DOCK5: variants seen among roughly 807,000 people sequenced by gnomAD.
The protein encoded by DOCK5 is dedicator of cytokinesis protein 5.
DOCK5 carries 142 observed loss-of-function variants against 251.8 expected under a neutral mutation model. The observed-to-expected ratio is 0.56, with a 90% CI of 0.49 to 0.65. The LOEUF is 0.65. Ranked by LOEUF, DOCK5 falls within the 30% of genes least tolerant of loss-of-function variation. The probability of loss-of-function intolerance (pLI) is 0.00; values close to 1 mark genes in which losing one functional copy is unlikely to be tolerated. For synonymous variants in DOCK5, 842 were observed against 835.5 expected (o/e 1.01, Z -0.13); for missense variants, 2,111 against 2,312.3 (o/e 0.91, Z 1.79).
intron 5 of DOCK5, among the ~76,000 whole-genome samples, chr8:25,284,709 C>T (rs888058000): frequency 2.6e-5 from 4 of 152,228 alleles, no homozygotes; most frequent in Admixed American, 6.5e-5. Context: ...GACTTAGACA[C>T]GGTCGGATTC....
chr8:25,205,849 A>G (rs1801987756), intron 1 of DOCK5, among the ~76,000 whole-genome samples: 1 of 152,244 alleles, frequency 6.6e-6, no homozygotes, highest in African/African-American at 2.4e-5. Context: ...AGCACTTGGA[A>G]TACTCAGAGA....
At chr8:25,267,079 G>A (rs755312207) in intron 2 of DOCK5, among the ~76,000 whole-genome samples, 3 of 152,100 alleles carry the variant, frequency 2.0e-5, no homozygotes, top group Admixed American at 6.6e-5. Context: ...GGGTGAATTC[G>A]AAGCCATTTA....
At chr8:25,285,810 C>T (rs1030293493) in intron 5 of DOCK5, among the ~76,000 whole-genome samples, 2 of 152,178 alleles carry the variant, frequency 1.3e-5, no homozygotes, top group Non-Finnish European at 2.9e-5. Context: ...CAAACTTTGT[C>T]CTCTTGTCAG....
rs573785402 is a variant in DOCK5, at chr8:25,318,761, C to T, written c.1444-817C>T. On this transcript the variant is annotated intron_variant, in intron 14 of 51. Transcript: ENST00000276440. ...TGAACTCCACCTCTTCTCGTATGAGCCGTAGTTAACTGCTTTGGTAACCAA... is the reference window on the plus strand; with the variant it reads ...TGAACTCCACCTCTTCTCGTATGAGTCGTAGTTAACTGCTTTGGTAACCAA... 3.9e-5 allele frequency among the ~76,000 whole-genome samples: 6 copies of T among 152,060 alleles called. No individual in the cohort carries two copies. The East Asian group carries it at 1.2e-3, about 30-fold the overall frequency.
intron 1 of DOCK5, among the ~76,000 whole-genome samples, chr8:25,219,748 G>C (rs1250519586): frequency 4.0e-5 from 6 of 148,460 alleles, no homozygotes; most frequent in Non-Finnish European, 8.9e-5. Flanking sequence ...TTGACTTTCT[G>C]TCCCCTTCAA....
At position 25,382,522 on chromosome 8, in the gene DOCK5, A is replaced by G. The variant is rs1333282047; in HGVS notation, c.4027-152A>G. Among the ~76,000 whole-genome samples, 3 of 152,324 alleles carry G rather than the reference A, an allele frequency of 2.0e-5. No homozygotes were observed. In the East Asian group the frequency reaches 5.8e-4, roughly 29 times the overall value. Reference sequence around the variant, plus strand: ...CAGGTCCAAAACCTGTGATCCGAGAATAGGATAACCCTTTTCTGCCCATAG... The same window carrying G: ...CAGGTCCAAAACCTGTGATCCGAGAGTAGGATAACCCTTTTCTGCCCATAG... On this transcript the variant is annotated intron_variant, in intron 39 of 51. Transcript: ENST00000276440.
intron 2 of DOCK5, among the ~76,000 whole-genome samples, chr8:25,252,844 T>G (rs1051355201): frequency 1.3e-5 from 2 of 152,210 alleles, no homozygotes; most frequent in Non-Finnish European, 2.9e-5. Context: ...CTTTATTTAT[T>G]TTTTTGAGAC....
rs774298914 is a variant in DOCK5 at position 25,325,345 on chromosome 8, C to T, written c.1720-19C>T. 1 of 1,610,746 alleles carries T rather than the reference C, an allele frequency of 6.2e-7. No individual in the cohort carries two copies. The highest frequency in any genetic ancestry group is 2.2e-5 in the East Asian group (1 of 44,840). On this transcript the variant is annotated intron_variant, in intron 17 of 51. Coordinates refer to ENST00000276440, the MANE Select transcript of DOCK5 (RefSeq NM_024940.8). ...AGATTTTGGCCATCATTTGGTGTTC[C>T]TAACATGCTTCCTTTTAGGGTGACA...
intron 1 of DOCK5, 109 bp downstream of exon 1, chr8:25,185,060 C>T (rs1010439935): frequency 5.0e-6 from 6 of 1,189,522 alleles, no homozygotes; most frequent in African/African-American, 4.8e-5. Context: ...GCCGGGGGCT[C>T]GGCCCGGCTG....
rs3763518 is a variant in DOCK5, at chr8:25,395,878, G to C, written c.4704+159G>C. On this transcript the variant is annotated intron_variant, in intron 45 of 51. Transcript: ENST00000276440. Reference sequence around the variant, plus strand: ...TGAAGTGAATGAAACGATTGTCCCTGACTTCTTAGAGACTATCAGCAACCC... The same window carrying C: ...TGAAGTGAATGAAACGATTGTCCCTCACTTCTTAGAGACTATCAGCAACCC... The C allele has an allele frequency of 4.3e-3, 4,028 of 941,554 alleles. 47 individuals carry two copies. The highest frequency in any genetic ancestry group is 0.021 in the South Asian group (1,510 of 71,512). 58.3% of individuals were successfully genotyped at this position (941,554 alleles called of 1,614,324 possible). A position where few individuals can be genotyped will look rare whatever the true frequency, so the allele number is the denominator to read the frequency against.
chr8:25,323,109 C>T (rs1185117611), intron 16 of DOCK5, among the ~76,000 whole-genome samples: 2 of 152,170 alleles, frequency 1.3e-5, no homozygotes, highest in African/African-American at 2.4e-5. Context: ...GCCACTGAAG[C>T]AGGGGACCCG....
At chr8:25,306,442 T>A (rs144925931) in intron 11 of DOCK5, among the ~76,000 whole-genome samples, 2 of 152,120 alleles carry the variant, frequency 1.3e-5, no homozygotes, top group Non-Finnish European at 2.9e-5. Flanking sequence ...CGCATAGGCT[T>A]ACGCCTGTAA....
chr8:25,366,384 G>T lies in DOCK5; in HGVS notation c.3124-486G>T, dbSNP rs112633350. Among the ~76,000 whole-genome samples, 1,369 of 152,182 alleles carry T rather than the reference G, an allele frequency of 9.0e-3. 17 individuals carry two copies. The highest frequency in any genetic ancestry group is 0.031 in the African/African-American group (1,293 of 41,526). On this transcript the variant is annotated intron_variant, in intron 30 of 51. Transcript: ENST00000276440. ...TGGGTGCCTGTAATCCCAGATACTC[G>T]TCAGGATAAGGCAGGACGCTTGAAC... is the stretch of plus-strand genomic sequence containing the variant.
rs1025334201 is a variant in DOCK5, at chr8:25,411,905, A to G, written c.*607A>G. On this transcript the variant is annotated 3_prime_UTR_variant, in exon 52 of 52. Transcript: ENST00000276440. ...TATGTGTGTCTATCATTGAAAGAGCATGGACTCAAACATCAGCCCTGAGTT... is the reference window on the plus strand; with the variant it reads ...TATGTGTGTCTATCATTGAAAGAGCGTGGACTCAAACATCAGCCCTGAGTT... The G allele has an allele frequency of 6.6e-6, 1 of 152,150 alleles. No individual in the cohort carries two copies. Among genetic ancestry groups the G allele is most frequent in the African/African-American group, 2.4e-5 (1 of 41,418 alleles). The allele number at this position is 152,150 out of a possible 1,614,324, so 9.4% of individuals were successfully genotyped here. A position where few individuals can be genotyped will look rare whatever the true frequency, so the allele number is the denominator to read the frequency against.
At chr8:25,339,288 G>A (rs941367010) in intron 22 of DOCK5, among the ~76,000 whole-genome samples, 2 of 152,080 alleles carry the variant, frequency 1.3e-5, no homozygotes, top group African/African-American at 4.8e-5. Flanking sequence ...GCTCCCAATA[G>A]GATGTTGAGA....
Position 25,299,049 on chromosome 8 carries a change from G to A in DOCK5, c.712G>A (p.Asp238Asn). 1 of 1,613,898 alleles carries A rather than the reference G, an allele frequency of 6.2e-7. No homozygotes were observed. Among genetic ancestry groups the A allele is most frequent in the Non-Finnish European group, 8.5e-7 (1 of 1,179,882 alleles). The change falls in exon 8 of 52, where the codon GAT becomes AAT. Residue 238 changes from aspartate to asparagine, a missense_variant. By Grantham distance (23) the Asp-to-Asn change is conservative (BLOSUM62 1). Around this residue, in one of 3 missense-constraint regions of DOCK5, gnomAD observed 335 missense variants for 324.9 expected, o/e 1.03. Transcript: ENST00000276440. Reference protein sequence around the residue: ...FKNFVCNIGEDAELFMALYDP... With the variant: ...FKNFVCNIGENAELFMALYDP... ...GAACTTTGTCTGCAACATCGGGGAA[G>A]ATGCAGAGTTGTTTATGGCCCTCTA... is the stretch of plus-strand genomic sequence containing the variant.
intron 40 of DOCK5, among the ~76,000 whole-genome samples, 178 bp downstream of exon 40, chr8:25,382,956 T>G (rs754366819): frequency 4.2e-5 from 5 of 118,890 alleles, no homozygotes; most frequent in Admixed American, 8.4e-5. Flanking sequence ...CGGACACCCG[T>G]GGTGTTCTGC....
chr8:25,277,696 C>T (rs929054158), intron 4 of DOCK5, among the ~76,000 whole-genome samples: 3 of 152,168 alleles, frequency 2.0e-5, no homozygotes, highest in Admixed American at 6.5e-5. Flanking sequence ...GGTGGGGAGG[C>T]ACATTCACAC....
intron 3 of DOCK5, among the ~76,000 whole-genome samples, chr8:25,273,282 C>G (rs1256851968): frequency 1.3e-5 from 2 of 152,154 alleles, no homozygotes; most frequent in Non-Finnish European, 2.9e-5. Flanking sequence ...CTGCAAAGGA[C>G]AGTTCCCTGT....
Sources: gnomAD v4.1 joint callset for allele counts (sites outside exome capture counted in the v4.1 genomes callset) on GRCh38, gnomAD v4.1.1 for gene constraint, gnomAD v4.1.1 regional missense constraint, MANE v1.5 for transcripts, NCBI Gene and HGNC (gene_info 2026-07-23, HGNC 2026-07-21) for gene names.